Variants in NASP observed in about 807,000 individuals in gnomAD.
The protein encoded by NASP is NASP histone chaperone.
NASP carries 24 observed loss-of-function variants against 89.5 expected under a neutral mutation model. That is an observed-to-expected ratio of 0.27 (90% CI 0.19 to 0.38). The LOEUF (loss-of-function observed/expected upper bound fraction) is 0.38, where lower values mean the gene tolerates loss of function less well. Among genes scored for constraint, NASP ranks in the 10% least tolerant of loss-of-function variants. The probability of loss-of-function intolerance (pLI) is 1.00; values close to 1 mark genes in which losing one functional copy is unlikely to be tolerated. For synonymous variants in NASP, 306 were observed against 324.7 expected (o/e 0.94, Z 0.62); for missense variants, 848 against 921.4 (o/e 0.92, Z 1.03).
At position 45,602,372 on chromosome 1, in the gene NASP, A is replaced by G; in HGVS notation, c.218+7A>G. The G allele has an allele frequency of 6.2e-7, 1 of 1,609,768 alleles. No individual in the cohort carries two copies. Among genetic ancestry groups the G allele is most frequent in the Non-Finnish European group, 8.5e-7 (1 of 1,177,862 alleles). The stretch of plus-strand genomic sequence containing the variant: ...AGGAAGCAGCTAGTCTTTTGTAAGT[A>G]TTGTATATTTTGCTATGATGTAATA... On this transcript the variant is annotated splice_region_variant and intron_variant, in intron 3 of 14. Transcript: ENST00000350030.
rs145683585 is a variant in NASP at position 45,597,981 on chromosome 1, C to T, written c.108-4274C>T. Among the ~76,000 whole-genome samples the T allele has an allele frequency of 4.8e-3, 725 of 152,192 alleles. 4 individuals carry two copies. Among genetic ancestry groups the T allele is most frequent in the Non-Finnish European group, 6.8e-3 (463 of 68,006 alleles). On this transcript the variant is annotated intron_variant, in intron 2 of 14. Transcript: ENST00000350030. ...TTGACAGGAAAATGTGAAAGGTGTCCACTCTGTTTATCTGCTACTACTTTT... is the reference window on the plus strand; with the variant it reads ...TTGACAGGAAAATGTGAAAGGTGTCTACTCTGTTTATCTGCTACTACTTTT...
At chr1:45,584,967 CTGTT>C (rs1440047023) in intron 1 of NASP, among the ~76,000 whole-genome samples, 2 of 152,184 alleles carry the variant, frequency 1.3e-5, no homozygotes, top group Non-Finnish European at 2.9e-5. Context: ...GAGGTGGTGT[CTGTT>C]TGGGGGGAAC....
In NASP at chr1:45,584,061, T is replaced by C. The variant is rs571323078; in HGVS notation, c.-86T>C. ...GGGGTCTCTAATCTGCCATTTTCTG[T>C]CCCTGAGTGAGTCTCTGGCGTCCCA... On this transcript the variant is annotated 5_prime_UTR_variant, in exon 1 of 15. Coordinates refer to ENST00000350030, the MANE Select transcript of NASP (RefSeq NM_002482.4). 4 of 1,306,622 alleles carry C rather than the reference T, an allele frequency of 3.1e-6. No homozygotes were observed. Among genetic ancestry groups the C allele is most frequent in the South Asian group, 2.6e-5 (2 of 76,744 alleles). 80.9% of individuals were successfully genotyped at this position (1,306,622 alleles called of 1,614,324 possible).
At chr1:45,614,773 G>A (rs920327272) in intron 9 of NASP, among the ~76,000 whole-genome samples, 6 of 152,028 alleles carry the variant, frequency 3.9e-5, no homozygotes, top group Non-Finnish European at 7.4e-5. Flanking sequence ...TCCTGACCTT[G>A]TGATCTGCCC....
intron 6 of NASP, chr1:45,610,127 A>G (rs56238114): frequency 0.18 from 27,354 of 152,090 alleles, 2,894 homozygotes; most frequent in Non-Finnish European, 0.24. Flanking sequence ...TGAACCCGGG[A>G]GGCAGAGGTT....
intron 6 of NASP, chr1:45,609,434 A>G (rs1203301047): frequency 1.3e-5 from 2 of 152,174 alleles, no homozygotes; most frequent in Non-Finnish European, 2.9e-5. Context: ...TGGTAGCACC[A>G]TTGGGTTTCT....
intron 1 of NASP, among the ~76,000 whole-genome samples, chr1:45,590,907 G>C (rs976068418): frequency 2.9e-4 from 44 of 152,088 alleles, no homozygotes; most frequent in Non-Finnish European, 1.0e-4. Flanking sequence ...TTGTAGATAA[G>C]GATCCAAGAC....
intron 13 of NASP, 83 bp downstream of exon 13, chr1:45,616,786 T>C (rs1644113605): frequency 1.6e-6 from 2 of 1,259,958 alleles, no homozygotes; most frequent in African/African-American, 3.0e-5. Flanking sequence ...CTCCCTATAG[T>C]TGGTGCATAT....
At position 45,615,906 on chromosome 1, in the gene NASP, G is replaced by A. The variant is rs145153760; in HGVS notation, c.2023-431G>A. The stretch of plus-strand genomic sequence containing the variant: ...GTCCTCAAAAAGTTTCAGATTGTTG[G>A]ATTAAGGGATGGGATGCCCGACCTG... On this transcript the variant is annotated intron_variant, in intron 11 of 14. Transcript: ENST00000350030. Among the ~76,000 whole-genome samples the A allele has an allele frequency of 1.4e-4, 21 of 152,290 alleles. No individual in the cohort carries two copies. The East Asian group carries it at 3.7e-3, about 27-fold the overall frequency.
chr1:45,590,549 C>CA (rs1036511604), intron 1 of NASP, among the ~76,000 whole-genome samples: 2,579 of 58,278 alleles, frequency 0.044, 48 homozygotes, highest in East Asian at 0.088. Context: ...GACTCTGTCT[C>CA]AAAAAAAAAA....
At chr1:45,605,574 T>C (rs1643896937) in intron 4 of NASP, 1 of 152,288 alleles carries the variant, frequency 6.6e-6, no homozygotes, top group African/African-American at 2.4e-5. Context: ...GTGATTCTTC[T>C]GCCCCAGCCT....
intron 5 of NASP, among the ~76,000 whole-genome samples, chr1:45,606,912 T>A (rs1316657762): frequency 1.3e-5 from 2 of 152,248 alleles, no homozygotes; most frequent in Non-Finnish European, 2.9e-5. Context: ...CAAATTTTTT[T>A]AAACAGCCTG....
At chr1:45,593,708 T>C (rs1263267879) in intron 2 of NASP, among the ~76,000 whole-genome samples, 2 of 151,606 alleles carry the variant, frequency 1.3e-5, no homozygotes, top group Non-Finnish European at 2.9e-5. Context: ...AAATAAGTCT[T>C]ATGAAATACT....
At chr1:45,599,434 T>C (rs1643780439) in intron 2 of NASP, among the ~76,000 whole-genome samples, 1 of 150,528 alleles carries the variant, frequency 6.6e-6, no homozygotes, top group South Asian at 2.1e-4. Context: ...TTCTCTTTTC[T>C]TTTCTTTTTT....
intron 1 of NASP, among the ~76,000 whole-genome samples, chr1:45,585,259 AT>A (rs1007826518): frequency 1.3e-5 from 2 of 150,796 alleles, no homozygotes; most frequent in East Asian, 1.9e-4. Context: ...ATCTGGTTCT[AT>A]TTTTTTTTCT....
rs1644495554 is a variant in NASP at position 45,584,352 on chromosome 1, G to A, written c.59+147G>A. 7 of 711,382 alleles carry A rather than the reference G, an allele frequency of 9.8e-6. No individual in the cohort carries two copies. In the South Asian group the frequency reaches 1.3e-4, roughly 14 times the overall value. 44.1% of individuals were successfully genotyped at this position (711,382 alleles called of 1,614,324 possible). On this transcript the variant is annotated intron_variant, in intron 1 of 14. Coordinates refer to ENST00000350030, the MANE Select transcript of NASP (RefSeq NM_002482.4). ...CGCTGTTCGGGAAGGCCTGGTCACTGGAGCAGTCCTTCTTTTGCTGAGAGC... is the reference window on the plus strand; with the variant it reads ...CGCTGTTCGGGAAGGCCTGGTCACTAGAGCAGTCCTTCTTTTGCTGAGAGC...
At chr1:45,608,844 A>G (rs771162191) in intron 6 of NASP, among the ~76,000 whole-genome samples, 6 of 152,198 alleles carry the variant, frequency 3.9e-5, no homozygotes, top group Non-Finnish European at 8.8e-5. Context: ...TGCCATTTAA[A>G]TGAAGGCAGT....
In NASP at chr1:45,584,167, C is replaced by G. The variant is rs775309901; in HGVS notation, c.21C>G (p.Ala7=). 6.3e-7 allele frequency: 1 copy of G among 1,597,184 alleles called. No individual in the cohort carries two copies. The highest frequency in any genetic ancestry group is 2.3e-5 in the East Asian group (1 of 44,288). Residue 7 remains alanine, a synonymous_variant, in exon 1 of 15, where the codon GCC becomes GCG. Coordinates refer to ENST00000350030, the MANE Select transcript of NASP (RefSeq NM_002482.4). ...GAACGATGGCCATGGAGTCCACAGC[C>G]ACTGCCGCCGTCGCCGCGGAGCTGG... MAMEST[A]TAAVAAELVS... is the part of the protein sequence containing the mutation.
chr1:45,586,294 T>TG (rs1302881882), intron 1 of NASP, among the ~76,000 whole-genome samples: 8 of 95,684 alleles, frequency 8.4e-5, no homozygotes, highest in East Asian at 3.0e-4. Flanking sequence ...GGTGTGTGTG[T>TG]GTGTGTGTGT....
Sources: allele counts gnomAD v4.1 joint callset (sites outside exome capture counted in the v4.1 genomes callset), GRCh38; gene constraint gnomAD v4.1.1; transcripts MANE v1.5; gene names NCBI Gene and HGNC (gene_info 2026-07-23, HGNC 2026-07-21).